The following DEPDC4 variants were observed in gnomAD, a reference collection of about 807,000 sequenced individuals.
The protein encoded by DEPDC4 is DEP domain containing 4.
DEPDC4 carries 52 observed loss-of-function variants against 52.0 expected under a neutral mutation model. The observed-to-expected ratio is 1.00, with a 90% CI of 0.80 to 1.26. The LOEUF (loss-of-function observed/expected upper bound fraction) is 1.26. Among genes scored for constraint, DEPDC4 ranks in the 50% most tolerant of loss-of-function variants. The probability of loss-of-function intolerance (pLI) is 0.00; values close to 1 mark genes in which losing one functional copy is unlikely to be tolerated. For missense variants in DEPDC4, 530 were observed against 546.9 expected (o/e 0.97, Z 0.31); for synonymous variants, 201 against 196.8 (o/e 1.02, Z -0.18).
chr12:100,265,464 C>T (rs143520688), intron 1 of DEPDC4, among the ~76,000 whole-genome samples: 20 of 152,164 alleles, frequency 1.3e-4, no homozygotes, highest in South Asian at 4.2e-4. Context: ...GGCATGGTGT[C>T]GCACGCCTGT....
chr12:100,245,297 C>T (rs904477293), intron 8 of DEPDC4, among the ~76,000 whole-genome samples: 4 of 152,172 alleles, frequency 2.6e-5, no homozygotes, highest in Admixed American at 2.0e-4. Context: ...GACAGGGTCT[C>T]GCTCTGTCCC....
intron 9 of DEPDC4, among the ~76,000 whole-genome samples, chr12:100,233,038 T>C (rs1187621565): frequency 6.6e-6 from 1 of 152,162 alleles, no homozygotes; most frequent in Non-Finnish European, 1.5e-5. Context: ...CTAGCTCCAT[T>C]TTGCAAATGA....
upstream of DEPDC4, among the ~76,000 whole-genome samples, chr12:100,269,265 T>C (rs181369966): frequency 1.8e-4 from 27 of 152,208 alleles, no homozygotes; most frequent in Admixed American, 1.1e-3. Flanking sequence ...TTTTCTGTTC[T>C]CCTGCTTCAA....
the DEPDC4 span, among the ~76,000 whole-genome samples, chr12:100,281,019 G>GTTTTTTTTTTT: frequency 5.9e-5 from 3 of 50,492 alleles, 1 homozygote; most frequent in Non-Finnish European, 1.2e-4. Context: ...TACCATCAGT[G>GTTTTTTTTTTT]TTTTTTTTTT....
chr12:100,264,684 A>C (rs903793805), intron 1 of DEPDC4, among the ~76,000 whole-genome samples: 1 of 152,046 alleles, frequency 6.6e-6, no homozygotes, highest in African/African-American at 2.4e-5. Context: ...GTCTCAAAAA[A>C]AAAAAAAGTT....
chr12:100,241,847 T>TG lies in DEPDC4; in HGVS notation c.*47-3dup, dbSNP rs1189110531. On this transcript the variant is annotated splice_polypyrimidine_tract_variant and splice_region_variant and intron_variant, in intron 9 of 9. Coordinates refer to ENST00000550587, the MANE Select transcript of DEPDC4 (RefSeq NM_001364818.2). Reference sequence around the variant, plus strand: ...TCAAGGGTTGGCAAAACGTAAAGCCTGGAAAAAAAAAAAAAAAACAAAAGA... The same window carrying TG: ...TCAAGGGTTGGCAAAACGTAAAGCCTGGGAAAAAAAAAAAAAAAACAAAAGA... 3 of 1,065,296 alleles carry TG rather than the reference T, an allele frequency of 2.8e-6. No homozygotes were observed. The highest frequency in any genetic ancestry group is 9.1e-5 in the East Asian group (1 of 10,974). 66.0% of individuals were successfully genotyped at this position (1,065,296 alleles called of 1,614,324 possible). A position where few individuals can be genotyped will look rare whatever the true frequency, so the allele number is the denominator to read the frequency against.
At chr12:100,276,341 T>G in the DEPDC4 span, among the ~76,000 whole-genome samples, 4 of 152,166 alleles carry the variant, frequency 2.6e-5, no homozygotes, top group African/African-American at 9.7e-5. Flanking sequence ...CTTTTTATTT[T>G]TATTTTTGAA....
chr12:100,236,348 A>T (rs1294706805), downstream of DEPDC4, among the ~76,000 whole-genome samples: 1 of 152,030 alleles, frequency 6.6e-6, no homozygotes, highest in East Asian at 1.9e-4. Context: ...ATCCATGCCA[A>T]CATCTATTTT....
At chr12:100,262,530 C>A (rs2096257335) in intron 2 of DEPDC4, 121 bp from the exon 3 acceptor site, 2 of 704,810 alleles carry the variant, frequency 2.8e-6, no homozygotes, top group Non-Finnish European at 4.2e-6. Flanking sequence ...CGATTTCAGG[C>A]AGCTTATAAT....
upstream of DEPDC4, among the ~76,000 whole-genome samples, chr12:100,269,171 A>G (rs1434216999): frequency 1.3e-5 from 2 of 152,112 alleles, no homozygotes; most frequent in South Asian, 2.1e-4. Flanking sequence ...AACATGCCCT[A>G]CAAGCCCTGC....
intron 8 of DEPDC4, among the ~76,000 whole-genome samples, chr12:100,245,310 A>C (rs1203326265): frequency 2.6e-5 from 4 of 152,124 alleles, no homozygotes; most frequent in Admixed American, 1.3e-4. Flanking sequence ...TCTGTCCCCC[A>C]GGCTGGAGCG....
chr12:100,268,267 C>A (rs376559887), upstream of DEPDC4, among the ~76,000 whole-genome samples: 2 of 152,142 alleles, frequency 1.3e-5, no homozygotes, highest in African/African-American at 2.4e-5. Flanking sequence ...TTCTAAGTAG[C>A]CTATCTCCGT....
chr12:100,266,858 C>T, intron 1 of DEPDC4, 62 bp downstream of exon 1: 1 of 1,563,638 alleles, frequency 6.4e-7, no homozygotes, highest in Non-Finnish European at 8.7e-7. Flanking sequence ...TCCCAGCCGC[C>T]TGCTCCCTTC....
intron 7 of DEPDC4, among the ~76,000 whole-genome samples, chr12:100,251,151 T>C (rs1200618773): frequency 1.3e-5 from 2 of 152,126 alleles, no homozygotes; most frequent in Admixed American, 1.3e-4. Context: ...TTGCCCAGGC[T>C]AGTTGCAAAC....
chr12:100,273,908 A>G, the DEPDC4 span, among the ~76,000 whole-genome samples: 1 of 152,232 alleles, frequency 6.6e-6, no homozygotes, highest in Admixed American at 6.5e-5. Context: ...CATTTAATAT[A>G]TAGCTTGTCA....
chr12:100,270,918 A>G (rs1466965766), upstream of DEPDC4, among the ~76,000 whole-genome samples: 1 of 152,062 alleles, frequency 6.6e-6, no homozygotes, highest in African/African-American at 2.4e-5. Flanking sequence ...TTTGTGTACT[A>G]ACTTGGCTGT....
At chr12:100,242,872 G>A (rs527362270) in intron 8 of DEPDC4, among the ~76,000 whole-genome samples, 26 of 152,258 alleles carry the variant, frequency 1.7e-4, no homozygotes, top group African/African-American at 6.3e-4. Context: ...ATGCGACAAA[G>A]CAAAATCCCA....
chr12:100,254,319 C>CCTTTTTTTTTTTTTTTTTT (rs1566318429), intron 4 of DEPDC4, among the ~76,000 whole-genome samples: 1 of 89,436 alleles, frequency 1.1e-5, no homozygotes. Flanking sequence ...TTTTTTTTGA[C>CCTTTTTTTTTTTTTTTTTT]TTTTTTTTTT....
intron 3 of DEPDC4, among the ~76,000 whole-genome samples, chr12:100,260,518 A>G (rs1045802153): frequency 2.0e-5 from 3 of 151,944 alleles, no homozygotes; most frequent in South Asian, 2.1e-4. Context: ...TTTCATTTGT[A>G]CTAGATAAAA....
Sources: gnomAD v4.1 joint callset for allele counts (sites outside exome capture counted in the v4.1 genomes callset) on GRCh38, gnomAD v4.1.1 for gene constraint, MANE v1.5 for transcripts, NCBI Gene and HGNC (gene_info 2026-07-23, HGNC 2026-07-21) for gene names.